DIP2B: variants seen among roughly 807,000 people sequenced by gnomAD.
The protein encoded by DIP2B is disco-interacting protein 2 homolog B.
DIP2B carries 76 observed loss-of-function variants against 198.0 expected under a neutral mutation model. The observed-to-expected ratio is 0.38, with a 90% CI of 0.32 to 0.46. DIP2B has a LOEUF of 0.46. DIP2B is among the 20% of genes least tolerant of loss of function. The pLI, the probability that DIP2B is intolerant of heterozygous loss-of-function variation, is 0.99. For missense variants in DIP2B, 1,559 were observed against 1,978.4 expected, an observed-to-expected ratio of 0.79 and a Z score of 4.02; for synonymous variants, 701 against 739.1, an observed-to-expected ratio of 0.95 and a Z score of 0.84.
chr12:50,541,656 C>A (rs1363514239), intron 1 of DIP2B, among the ~76,000 whole-genome samples: 1 of 152,092 alleles, frequency 6.6e-6, no homozygotes, highest in Non-Finnish European at 1.5e-5. Context: ...CTTCTGCTAA[C>A]CCATAGTATA....
At position 50,559,709 on chromosome 12, in the gene DIP2B, C is replaced by CCACACACACACACACACACACA. The variant is rs55678718; in HGVS notation, c.100+54484_100+54505dup. ...TGCACTGTAGCCTCAGTGACAGAAACCACACACACACACACACACACACAC... is the reference window on the plus strand; with the variant it reads ...TGCACTGTAGCCTCAGTGACAGAAACCACACACACACACACACACACACACACACACACACACACACACACAC... On this transcript the variant is annotated intron_variant, in intron 1 of 37. Transcript: ENST00000301180. Among the ~76,000 whole-genome samples, 15 of 139,620 alleles carry CCACACACACACACACACACACA rather than the reference C, an allele frequency of 1.1e-4. No homozygotes were observed. In the East Asian group the frequency reaches 1.3e-3, roughly 12 times the overall value. The allele number at this position is 139,620 out of a possible 152,430, so 91.6% of individuals were successfully genotyped here. A position where few individuals can be genotyped will look rare whatever the true frequency, so the allele number is the denominator to read the frequency against.
At chr12:50,591,884 T>G (rs1005410760) in intron 1 of DIP2B, among the ~76,000 whole-genome samples, 1 of 151,042 alleles carries the variant, frequency 6.6e-6, no homozygotes, top group Non-Finnish European at 1.5e-5. Flanking sequence ...TTTGTGTGTT[T>G]TTTTTTTTTT....
intron 1 of DIP2B, among the ~76,000 whole-genome samples, chr12:50,592,582 A>T (rs1565836549): frequency 6.6e-6 from 1 of 152,004 alleles, no homozygotes; most frequent in Non-Finnish European, 1.5e-5. Context: ...AGTTCCAGCA[A>T]TTCTCCTGCC....
Position 50,626,054 on chromosome 12 carries a change from A to G in DIP2B, c.172+7A>G, listed in dbSNP as rs1342350509. The stretch of plus-strand genomic sequence containing the variant: ...TACAGCCCGCAGACACAAGGTAGGC[A>G]ATAAAAAATGGTTTCAACTTTTTCA... On this transcript the variant is annotated splice_region_variant and intron_variant, in intron 2 of 37. Coordinates refer to ENST00000301180, the MANE Select transcript of DIP2B (RefSeq NM_173602.3). The G allele has an allele frequency of 5.0e-6, 8 of 1,613,602 alleles. No homozygotes were observed. Among genetic ancestry groups the G allele is most frequent in the South Asian group, 3.3e-5 (3 of 90,982 alleles).
intron 1 of DIP2B, among the ~76,000 whole-genome samples, chr12:50,543,540 C>T (rs1381348531): frequency 2.6e-5 from 4 of 152,084 alleles, no homozygotes; most frequent in East Asian, 2.0e-4. Context: ...CCGCCAGCCT[C>T]GGCCTCCCAA....
chr12:50,591,660 A>T (rs1324675059), intron 1 of DIP2B, among the ~76,000 whole-genome samples: 1 of 148,860 alleles, frequency 6.7e-6, no homozygotes, highest in Non-Finnish European at 1.5e-5. Context: ...TGGTTTTGCC[A>T]TGTTGCCCAG....
At chr12:50,558,047 A>G (rs1048939017) in intron 1 of DIP2B, among the ~76,000 whole-genome samples, 2 of 152,116 alleles carry the variant, frequency 1.3e-5, no homozygotes, top group African/African-American at 4.8e-5. Context: ...AAAGTGAACA[A>G]ATGTCAACAC....
intron 25 of DIP2B, among the ~76,000 whole-genome samples, chr12:50,719,252 T>C (rs1239721598): frequency 6.6e-6 from 1 of 152,230 alleles, no homozygotes; most frequent in African/African-American, 2.4e-5. Context: ...TCTTTTCTTA[T>C]GGTACAATCA....
intron 2 of DIP2B, among the ~76,000 whole-genome samples, chr12:50,626,353 G>T (rs912102345): frequency 1.1e-4 from 16 of 152,156 alleles, no homozygotes; most frequent in Non-Finnish European, 5.9e-5. Context: ...AAACCACATC[G>T]TATTTATGAT....
At position 50,537,114 on chromosome 12, in the gene DIP2B, A is replaced by ATTTTTTTTTTTTTTTTTTTTTTTTTTTTT. The variant is rs34202995; in HGVS notation, c.100+31901_100+31902insTTTTTTTTTTTTTTTTTTTTTTTTTTTTT. Among the ~76,000 whole-genome samples the ATTTTTTTTTTTTTTTTTTTTTTTTTTTTT allele has an allele frequency of 2.5e-4, 8 of 32,226 alleles. 1 individual carries two copies. The highest frequency in any genetic ancestry group is 3.3e-4 in the Non-Finnish European group (7 of 21,008). The allele number at this position is 32,226 out of a possible 152,430, so 21.1% of individuals were successfully genotyped here. On this transcript the variant is annotated intron_variant, in intron 1 of 37. Transcript: ENST00000301180. ...CAGATTGCTTGTTTATTATTCTCTA[A>ATTTTTTTTTTTTTTTTTTTTTTTTTTTTT]TTTTTTTTTTTTTTTTTTTTTTTTT... is the stretch of plus-strand genomic sequence containing the variant.
In DIP2B at chr12:50,729,070, G is replaced by A. The variant is rs560685894; in HGVS notation, c.3641+392G>A. 2.6e-5 allele frequency among the ~76,000 whole-genome samples: 4 copies of A among 152,282 alleles called. No individual in the cohort carries two copies. The East Asian group carries it at 5.8e-4, about 22-fold the overall frequency. ...GGGATGGGATGACAGCATGTGGATGGAAAGTAGCACATTTGCCCTGGCCAG... is the reference window on the plus strand; with the variant it reads ...GGGATGGGATGACAGCATGTGGATGAAAAGTAGCACATTTGCCCTGGCCAG... On this transcript the variant is annotated intron_variant, in intron 30 of 37. Transcript: ENST00000301180.
chr12:50,728,780 G>T, intron 30 of DIP2B, 102 bp downstream of exon 30: 2 of 1,447,956 alleles, frequency 1.4e-6, no homozygotes, highest in South Asian at 3.0e-5. Flanking sequence ...TAAAGTTTCA[G>T]TAAAATGCTA....
intron 1 of DIP2B, among the ~76,000 whole-genome samples, chr12:50,511,289 C>CTTTTTTTTTTTTTTT (rs1316212138): frequency 4.8e-5 from 1 of 20,924 alleles, no homozygotes; most frequent in Admixed American, 6.2e-4. Flanking sequence ...AGTGTGATTT[C>CTTTTTTTTTTTTTTT]TATTTTTTTT....
At chr12:50,690,674 G>A (rs1565872101) in intron 12 of DIP2B, among the ~76,000 whole-genome samples, 2 of 152,150 alleles carry the variant, frequency 1.3e-5, no homozygotes, top group African/African-American at 2.4e-5. Context: ...TGCTTCTAAC[G>A]CACAGAGACC....
intron 13 of DIP2B, among the ~76,000 whole-genome samples, chr12:50,692,423 A>G (rs1939237557): frequency 6.6e-6 from 1 of 152,176 alleles, no homozygotes; most frequent in Non-Finnish European, 1.5e-5. Flanking sequence ...AGAAATGCCT[A>G]AGTCACAAGA....
chr12:50,716,506 C>T (rs559970952), intron 23 of DIP2B, among the ~76,000 whole-genome samples: 3 of 152,042 alleles, frequency 2.0e-5, no homozygotes, highest in South Asian at 2.1e-4. Context: ...CCAGCCTGGG[C>T]GACTGAGCGA....
intron 1 of DIP2B, among the ~76,000 whole-genome samples, chr12:50,558,333 A>C (rs1958488886): frequency 6.6e-6 from 1 of 152,228 alleles, no homozygotes; most frequent in Admixed American, 6.5e-5. Context: ...AAAACAAAAT[A>C]GGTCTAGATG....
chr12:50,602,549 G>T (rs527585558), intron 1 of DIP2B, among the ~76,000 whole-genome samples: 29 of 152,330 alleles, frequency 1.9e-4, no homozygotes, highest in Admixed American at 7.2e-4. Flanking sequence ...GAGCCACTAA[G>T]TCCAGCCTAA....
chr12:50,695,789 G>A (rs2684890), intron 15 of DIP2B, 59 bp from the exon 16 acceptor site: 1,505,731 of 1,595,862 alleles, frequency 0.94, 715,959 homozygotes, highest in Non-Finnish European at 0.98. Context: ...TTATTGTGGT[G>A]TATTACATAT....
Sources: gnomAD v4.1 joint callset for allele counts (sites outside exome capture counted in the v4.1 genomes callset) on GRCh38, gnomAD v4.1.1 for gene constraint, MANE v1.5 for transcripts, NCBI Gene and HGNC (gene_info 2026-07-23, HGNC 2026-07-21) for gene names.